The following NLGN1 variants were observed in gnomAD, a reference collection of about 807,000 sequenced individuals.
The protein encoded by NLGN1 is neuroligin 1.
NLGN1 carries 12 observed loss-of-function variants against 65.5 expected under a neutral mutation model. The ratio of observed to expected loss-of-function variants is 0.18; its 90% CI spans 0.12 to 0.30. The LOEUF (loss-of-function observed/expected upper bound fraction) is 0.30, where lower values mean the gene tolerates loss of function less well. NLGN1 is among the 10% of genes least tolerant of loss of function. The pLI, the probability that NLGN1 is intolerant of heterozygous loss-of-function variation, is 1.00. For missense variants in NLGN1, 750 were observed against 1,007.1 expected, an observed-to-expected ratio of 0.74 and a Z score of 3.46; for synonymous variants, 350 against 359.5, an observed-to-expected ratio of 0.97 and a Z score of 0.30.
intron 1 of NLGN1, among the ~76,000 whole-genome samples, chr3:173,430,152 G>A (rs1242022535): frequency 6.6e-6 from 1 of 152,174 alleles, no homozygotes; most frequent in African/African-American, 2.4e-5. Flanking sequence ...GAACCTTTCT[G>A]CATAGTGCCT....
rs1349226673 is a variant in NLGN1, at chr3:174,107,015, C to CAGAGAG, written c.647-168299_647-168298insGAGAGA. ...ACACACACACACACACACACACACA[C>CAGAGAG]ACAGAGAGAGAGAGAGAGAGAGAGA... On this transcript the variant is annotated intron_variant, in intron 4 of 6. Coordinates refer to ENST00000457714, the Ensembl canonical transcript of NLGN1. Among the ~76,000 whole-genome samples, 410 of 65,386 alleles carry CAGAGAG rather than the reference C, an allele frequency of 6.3e-3. 2 individuals are homozygous for CAGAGAG. Among genetic ancestry groups the CAGAGAG allele is most frequent in the South Asian group, 0.019 (28 of 1,482 alleles). 42.9% of individuals were successfully genotyped at this position (65,386 alleles called of 152,430 possible).
At chr3:173,583,107 T>A (rs75028833) in intron 2 of NLGN1, among the ~76,000 whole-genome samples, 1,696 of 152,342 alleles carry the variant, frequency 0.011, 38 homozygotes, top group African/African-American at 0.039. Context: ...CTGAACCACA[T>A]CTGCATTGCC....
intron 3 of NLGN1, among the ~76,000 whole-genome samples, chr3:173,606,092 T>G (rs1170441334): frequency 6.6e-6 from 1 of 152,086 alleles, no homozygotes; most frequent in East Asian, 1.9e-4. Flanking sequence ...ATTGAGCAAT[T>G]ATTATTATTA....
At chr3:173,843,555 C>A (rs750540942) in intron 4 of NLGN1, among the ~76,000 whole-genome samples, 1 of 152,192 alleles carries the variant, frequency 6.6e-6, no homozygotes, top group Non-Finnish European at 1.5e-5. Context: ...TAAATCATCT[C>A]TCTCAAGTTC....
chr3:173,821,092 A>C (rs891125858), intron 4 of NLGN1, among the ~76,000 whole-genome samples: 3 of 152,106 alleles, frequency 2.0e-5, no homozygotes, highest in African/African-American at 7.2e-5. Flanking sequence ...TATATTCTAA[A>C]ATTTTTCCCC....
chr3:174,225,679 G>C (rs950831370), intron 4 of NLGN1, among the ~76,000 whole-genome samples: 5 of 151,912 alleles, frequency 3.3e-5, no homozygotes, highest in African/African-American at 9.7e-5. Context: ...TGCAGTGAGC[G>C]GAGATTGCGC....
chr3:173,753,043 C>G (rs1251919989), intron 3 of NLGN1, among the ~76,000 whole-genome samples: 1 of 151,980 alleles, frequency 6.6e-6, no homozygotes, highest in African/African-American at 2.4e-5. Flanking sequence ...AACATTCTAC[C>G]CACCCGTCTT....
At chr3:173,550,535 G>A (rs1258259922) in intron 2 of NLGN1, among the ~76,000 whole-genome samples, 1 of 151,962 alleles carries the variant, frequency 6.6e-6, no homozygotes, top group Admixed American at 6.6e-5. Flanking sequence ...CTCTGATATG[G>A]CCATTTGATA....
At chr3:173,430,405 C>T (rs1000965262) in intron 1 of NLGN1, among the ~76,000 whole-genome samples, 1 of 152,062 alleles carries the variant, frequency 6.6e-6, no homozygotes, top group Non-Finnish European at 1.5e-5. Context: ...GGATTATAGA[C>T]CTGTCGTTTT....
rs1411271600 is a variant in NLGN1, at chr3:174,105,691, A to G, written c.647-169624A>G. 3.3e-5 allele frequency among the ~76,000 whole-genome samples: 5 copies of G among 152,130 alleles called. No homozygotes were observed. The East Asian group carries it at 9.7e-4, about 29-fold the overall frequency. ...TTGGAGACATAATATCTATATGTAG[A>G]TATAGATATCTATATCTATATCTAG... On this transcript the variant is annotated intron_variant, in intron 4 of 6. Coordinates refer to ENST00000457714, the Ensembl canonical transcript of NLGN1.
At chr3:173,748,472 A>T (rs1775855768) in intron 3 of NLGN1, among the ~76,000 whole-genome samples, 1 of 152,252 alleles carries the variant, frequency 6.6e-6, no homozygotes, top group South Asian at 2.1e-4. Flanking sequence ...CAATGTGTGT[A>T]AGAAGAAACT....
chr3:173,731,172 A>G (rs1772785507), intron 3 of NLGN1, among the ~76,000 whole-genome samples: 2 of 152,062 alleles, frequency 1.3e-5, no homozygotes, highest in Middle Eastern at 3.2e-3. Context: ...AAGTTGTGTT[A>G]TTACCAGATT....
chr3:174,088,058 C>T (rs899105811), intron 4 of NLGN1, among the ~76,000 whole-genome samples: 1 of 151,964 alleles, frequency 6.6e-6, no homozygotes, highest in African/African-American at 2.4e-5. Context: ...CGTATATATG[C>T]TAATATTACA....
At chr3:173,989,537 A>G (rs1720656414) in intron 4 of NLGN1, among the ~76,000 whole-genome samples, 1 of 152,230 alleles carries the variant, frequency 6.6e-6, no homozygotes, top group Admixed American at 6.5e-5. Context: ...AATCAAGTAT[A>G]GTCCAATCTA....
intron 4 of NLGN1, among the ~76,000 whole-genome samples, chr3:173,964,108 A>C (rs1364650215): frequency 6.6e-6 from 1 of 152,180 alleles, no homozygotes; most frequent in Non-Finnish European, 1.5e-5. Flanking sequence ...GACTTTTATT[A>C]AGGAAACTTA....
chr3:173,909,181 T>A (rs1263106535), intron 4 of NLGN1, among the ~76,000 whole-genome samples: 1 of 152,056 alleles, frequency 6.6e-6, no homozygotes, highest in African/African-American at 2.4e-5. Context: ...TGCAGAACGA[T>A]GCAAGGAAAG....
At chr3:174,056,603 G>C (rs35834430) in intron 4 of NLGN1, among the ~76,000 whole-genome samples, 14,466 of 151,890 alleles carry the variant, frequency 0.095, 832 homozygotes, top group Middle Eastern at 0.13. Context: ...CTAATACCAG[G>C]ATACATAATG....
chr3:174,226,304 A>G (rs1739687774), intron 4 of NLGN1, among the ~76,000 whole-genome samples: 1 of 151,920 alleles, frequency 6.6e-6, no homozygotes, highest in Non-Finnish European at 1.5e-5. Flanking sequence ...CCCCTTACCC[A>G]CCACCCCTGG....
intron 4 of NLGN1, among the ~76,000 whole-genome samples, chr3:173,980,393 T>C (rs990720376): frequency 3.3e-5 from 5 of 152,064 alleles, no homozygotes; most frequent in African/African-American, 1.2e-4. Flanking sequence ...TATTCCATGT[T>C]GCTATATAGT....
Sources: gnomAD v4.1 joint callset for allele counts (sites outside exome capture counted in the v4.1 genomes callset) on GRCh38, gnomAD v4.1.1 for gene constraint, MANE v1.5 for transcripts, NCBI Gene and HGNC (gene_info 2026-07-23, HGNC 2026-07-21) for gene names.